SART3: variants seen among roughly 807,000 people sequenced by gnomAD.
The protein encoded by SART3 is spliceosome associated factor 3, U4/U6 recycling protein.
SART3 carries 44 observed loss-of-function variants against 122.3 expected under a neutral mutation model. The ratio of observed to expected loss-of-function variants is 0.36; its 90% CI spans 0.28 to 0.46. The LOEUF (loss-of-function observed/expected upper bound fraction) is 0.46, where lower values mean the gene tolerates loss of function less well. Among genes scored for constraint, SART3 ranks in the 20% least tolerant of loss-of-function variants. The pLI is 1.00. For synonymous variants in SART3, 442 were observed against 454.0 expected (o/e 0.97, Z 0.34); for missense variants, 1,101 against 1,229.0 (o/e 0.90, Z 1.56).
At chr12:108,557,534 A>C (rs2030282541) in intron 1 of SART3, among the ~76,000 whole-genome samples, 1 of 152,230 alleles carries the variant, frequency 6.6e-6, no homozygotes, top group African/African-American at 2.4e-5. Context: ...GGGAGAATGG[A>C]GCAGCACCTA....
intron 5 of SART3, 85 bp from the exon 6 acceptor site, chr12:108,543,237 C>G: frequency 6.7e-7 from 1 of 1,502,732 alleles, no homozygotes; most frequent in East Asian, 2.3e-5. Context: ...GACTCAGGTG[C>G]CACTAGCCCC....
In SART3 at chr12:108,540,240, T is replaced by C. The variant is rs11113981; in HGVS notation, c.907-1151A>G. Among the ~76,000 whole-genome samples, 759 of 152,258 alleles carry C rather than the reference T, an allele frequency of 5.0e-3. 4 individuals are homozygous for C. The highest frequency in any genetic ancestry group is 7.7e-3 in the Non-Finnish European group (525 of 68,014). On this transcript the variant is annotated intron_variant, in intron 6 of 18. Coordinates refer to ENST00000546815, the MANE Select transcript of SART3 (RefSeq NM_014706.4). Reference sequence around the variant, plus strand: ...GACTTCTCAACAGCAACAACAGACATCAGAAGACAGAAAGATACAATCAAT... The same window carrying C: ...GACTTCTCAACAGCAACAACAGACACCAGAAGACAGAAAGATACAATCAAT...
intron 15 of SART3, among the ~76,000 whole-genome samples, chr12:108,528,666 A>C (rs1193221621): frequency 1.3e-5 from 2 of 152,104 alleles, no homozygotes; most frequent in Non-Finnish European, 2.9e-5. Context: ...GTGTCCATGC[A>C]GGGCCGTGCC....
At chr12:108,554,956 C>A (rs935510972) in intron 1 of SART3, among the ~76,000 whole-genome samples, 2 of 151,904 alleles carry the variant, frequency 1.3e-5, no homozygotes, top group African/African-American at 4.8e-5. Context: ...GTATAAAAAT[C>A]AATTATATAC....
rs776984087 is a variant in SART3, at chr12:108,537,524, G to A, written c.1273C>T (p.Leu425Phe). 2 of 1,614,002 alleles carry A rather than the reference G, an allele frequency of 1.2e-6. No individual in the cohort carries two copies. Among genetic ancestry groups the A allele is most frequent in the Non-Finnish European group, 8.5e-7 (1 of 1,179,898 alleles). The change falls in exon 9 of 19, where the codon CTT becomes TTT. Residue 425 changes from leucine (L) to phenylalanine (F), a missense_variant. By Grantham distance (22) the Leu-to-Phe change is conservative (BLOSUM62 0). Coordinates refer to ENST00000546815, the MANE Select transcript of SART3 (RefSeq NM_014706.4). ...TCAACCCTTCTCCTCAGGTAATCAA[G>A]GTATGCCTGCCAAATCTCCACATAA... ...TDYVEIWQAYLDYLRRRVDFK... is the reference protein window; with the variant it reads ...TDYVEIWQAYFDYLRRRVDFK...
Position 108,524,341 on chromosome 12 carries a change from T to C in SART3, c.2689A>G (p.Met897Val), listed in dbSNP as rs1278028865. The C allele has an allele frequency of 6.2e-6, 10 of 1,614,128 alleles. No individual in the cohort carries two copies. Among genetic ancestry groups the C allele is most frequent in the East Asian group, 2.2e-5 (1 of 44,892 alleles). Residue 897 changes from methionine to valine, a missense_variant, in exon 18 of 19, where the codon ATG becomes GTG. Coordinates refer to ENST00000546815, the MANE Select transcript of SART3 (RefSeq NM_014706.4). Reference sequence around the variant, plus strand: ...GCTCCGTATGTCTGCGGCAAAAGCATGGGGCCACCTGGTGCCTTCCTGGTC... The same window carrying C: ...GCTCCGTATGTCTGCGGCAAAAGCACGGGGCCACCTGGTGCCTTCCTGGTC... ...PETRKAPGGP[M>V]LLPQTYGARG... is the part of the protein sequence containing the mutation.
intron 12 of SART3, among the ~76,000 whole-genome samples, chr12:108,534,894 A>G (rs951196234): frequency 3.9e-5 from 6 of 152,308 alleles, no homozygotes; most frequent in Middle Eastern, 3.4e-3. Flanking sequence ...GGCCTATCTT[A>G]TTTCGTTCAA....
intron 14 of SART3, among the ~76,000 whole-genome samples, chr12:108,530,979 A>G (rs536132863): frequency 3.7e-4 from 56 of 152,356 alleles, no homozygotes; most frequent in African/African-American, 1.3e-3. Flanking sequence ...TTTTAGAGCC[A>G]AAATTCCCTC....
chr12:108,544,012 TAA>T (rs1321433357), intron 5 of SART3, among the ~76,000 whole-genome samples: 1 of 152,206 alleles, frequency 6.6e-6, no homozygotes, highest in Middle Eastern at 3.2e-3. Flanking sequence ...AGGAATGATC[TAA>T]ACTCATGTAA....
intron 12 of SART3, 36 bp from the exon 13 acceptor site, chr12:108,532,370 C>T (rs748034678): frequency 1.3e-6 from 2 of 1,588,896 alleles, no homozygotes; most frequent in African/African-American, 2.7e-5. Flanking sequence ...GCCACCAGGA[C>T]ACAAAGTGGA....
At chr12:108,544,834 G>C (rs149545582) in intron 4 of SART3, 18 of 569,190 alleles carry the variant, frequency 3.2e-5, no homozygotes, top group South Asian at 8.2e-5. Flanking sequence ...CAAACTGCTG[G>C]AATTACAAGC....
intron 6 of SART3, among the ~76,000 whole-genome samples, chr12:108,541,683 C>T (rs1159886474): frequency 6.6e-6 from 1 of 151,862 alleles, no homozygotes; most frequent in Middle Eastern, 3.2e-3. Context: ...GGATTACAGG[C>T]GCCCGCCACC....
chr12:108,546,543 CAG>C lies in SART3; in HGVS notation c.545-1222_545-1221del, dbSNP rs766639661. Among the ~76,000 whole-genome samples the C allele has an allele frequency of 2.9e-3, 404 of 140,052 alleles. 2 individuals are homozygous for C. Among genetic ancestry groups the C allele is most frequent in the Non-Finnish European group, 4.7e-3 (306 of 65,730 alleles). The allele number at this position is 140,052 out of a possible 152,430, so 91.9% of individuals were successfully genotyped here. On this transcript the variant is annotated intron_variant, in intron 3 of 18. Transcript: ENST00000546815. ...AATGCTTTTTTTTTTTTTTTTGAGA[CAG>C]AGTCTCACTTTGTCGCCAAGGCTGG...
At chr12:108,540,112 C>A (rs1272726488) in intron 6 of SART3, among the ~76,000 whole-genome samples, 1 of 151,906 alleles carries the variant, frequency 6.6e-6, no homozygotes, top group African/African-American at 2.4e-5. Context: ...CATGGACCTA[C>A]TGCAGTGAAA....
At chr12:108,540,129 G>A (rs1873091885) in intron 6 of SART3, among the ~76,000 whole-genome samples, 1 of 142,262 alleles carries the variant, frequency 7.0e-6, no homozygotes, top group Non-Finnish European at 1.5e-5. Context: ...GAAATTAGAG[G>A]ACAGCAAACC....
At chr12:108,541,405 T>G (rs903135249) in intron 6 of SART3, among the ~76,000 whole-genome samples, 1 of 150,914 alleles carries the variant, frequency 6.6e-6, no homozygotes, top group Non-Finnish European at 1.5e-5. Flanking sequence ...AACTCCAGTC[T>G]CAAAAAAAAA....
At chr12:108,546,692 G>T (rs1380071500) in intron 3 of SART3, among the ~76,000 whole-genome samples, 1 of 151,844 alleles carries the variant, frequency 6.6e-6, no homozygotes, top group East Asian at 1.9e-4. Flanking sequence ...CCGGCTAATT[G>T]TATTTTTAGT....
At chr12:108,558,000 CA>C (rs942135505) in intron 1 of SART3, among the ~76,000 whole-genome samples, 5 of 148,704 alleles carry the variant, frequency 3.4e-5, no homozygotes, top group African/African-American at 4.9e-5. Context: ...CCCATCTCTA[CA>C]AAAAAAAAAT....
chr12:108,548,005 A>T lies in SART3; in HGVS notation c.440-14T>A, dbSNP rs1873509112. 6.2e-7 allele frequency: 1 copy of T among 1,607,870 alleles called. No individual in the cohort carries two copies. Among genetic ancestry groups the T allele is most frequent in the Admixed American group, 1.7e-5 (1 of 59,990 alleles). On this transcript the variant is annotated splice_polypyrimidine_tract_variant and intron_variant, in intron 2 of 18. Transcript: ENST00000546815. Reference sequence around the variant, plus strand: ...CCAGCCAGAGCTCTACGAGACAAAAATACTTCCCGCATTAATACCAAAGGG... The same window carrying T: ...CCAGCCAGAGCTCTACGAGACAAAATTACTTCCCGCATTAATACCAAAGGG...
Sources: allele counts gnomAD v4.1 joint callset (sites outside exome capture counted in the v4.1 genomes callset), GRCh38; gene constraint gnomAD v4.1.1; transcripts MANE v1.5; gene names NCBI Gene and HGNC (gene_info 2026-07-23, HGNC 2026-07-21).